TMCC2: variants seen among roughly 807,000 people sequenced by gnomAD.
TMCC2 encodes transmembrane and coiled-coil domains protein 2.
A neutral mutation model predicts 49.4 loss-of-function variants in TMCC2; 16 were observed. The ratio of observed to expected loss-of-function variants is 0.32; its 90% confidence interval spans 0.22 to 0.49. TMCC2 has a LOEUF of 0.49. Ranked by LOEUF, TMCC2 falls within the 20% of genes least tolerant of loss-of-function variation. The probability of loss-of-function intolerance (pLI) is 0.99; values close to 1 mark genes in which losing one functional copy is unlikely to be tolerated. For missense variants in TMCC2, 762 were observed against 989.8 expected (o/e 0.77, Z 3.09); for synonymous variants, 397 against 434.1 (o/e 0.91, Z 1.06).
chr1:205,268,627 A>G (rs1014068724), intron 2 of TMCC2, among the ~76,000 whole-genome samples: 1 of 152,030 alleles, frequency 6.6e-6, no homozygotes, highest in African/African-American at 2.4e-5. Context: ...TAGATAAACA[A>G]ACAAATAAAT....
At chr1:205,250,127 A>T (rs1660608294) in intron 2 of TMCC2, among the ~76,000 whole-genome samples, 2 of 152,228 alleles carry the variant, frequency 1.3e-5, no homozygotes, top group Admixed American at 6.5e-5. Flanking sequence ...CTGACACCAG[A>T]GATCATAAGC....
At chr1:205,250,678 G>GT (rs1173735256) in intron 2 of TMCC2, among the ~76,000 whole-genome samples, 9 of 152,222 alleles carry the variant, frequency 5.9e-5, no homozygotes. Context: ...GTCATGCCTT[G>GT]TTGACGCCTT....
At position 205,229,776 on chromosome 1, in the gene TMCC2, A is replaced by G. The variant is rs373588618; in HGVS notation, c.207+1005A>G. ...ACCAGAAGCCGAAAGAACTGTTCAC[A>G]TGGAGCTGTTTATTTTCCGGCCTGA... On this transcript the variant is annotated intron_variant, in intron 1 of 4. Transcript: ENST00000358024. 143 of 985,476 alleles carry G rather than the reference A, an allele frequency of 1.5e-4. 1 individual carries two copies. In the South Asian group the frequency reaches 4.8e-3, roughly 33 times the overall value. 61.0% of individuals were successfully genotyped at this position (985,476 alleles called of 1,614,324 possible).
Position 205,269,211 on chromosome 1 carries a change from G to C in TMCC2, c.1009G>C (p.Glu337Gln). Residue 337 changes from glutamate (E) to glutamine (Q), a missense_variant, in exon 3 of 5, where the codon GAG becomes CAG. Transcript: ENST00000358024. ...QQVSRIKQVFEKKNQKSAQTI... is the reference protein window; with the variant it reads ...QQVSRIKQVFQKKNQKSAQTI... ...GGTGTCACGCATCAAGCAAGTGTTCGAGAAGAAGAACCAGAAGTCAGCCCA... is the reference window on the plus strand; with the variant it reads ...GGTGTCACGCATCAAGCAAGTGTTCCAGAAGAAGAACCAGAAGTCAGCCCA... 6.2e-7 allele frequency: 1 copy of C among 1,614,078 alleles called. No individual in the cohort carries two copies. The highest frequency in any genetic ancestry group is 8.5e-7 in the Non-Finnish European group (1 of 1,180,042).
chr1:205,264,586 G>A lies in TMCC2; in HGVS notation c.748-4364G>A, dbSNP rs1221575268. Among the ~76,000 whole-genome samples the A allele has an allele frequency of 6.6e-6, 1 of 151,956 alleles. No homozygotes were observed. The highest frequency in any genetic ancestry group is 2.4e-5 in the African/African-American group (1 of 41,350). ...TGCAAGCTCCGCCTCCCAGGTTCGC[G>A]CCATTCTCCCGCCTCAGCCTCCCGA... On this transcript the variant is annotated intron_variant, in intron 2 of 4. Coordinates refer to ENST00000358024, the MANE Select transcript of TMCC2 (RefSeq NM_014858.4). This position sits in a 1 kb window ranked among gnomAD's most constrained non-coding sequence, Gnocchi z 4.2.
intron 3 of TMCC2, 86 bp from the exon 4 acceptor site, chr1:205,271,034 T>C (rs565423873): frequency 1.3e-6 from 2 of 1,555,150 alleles, no homozygotes; most frequent in South Asian, 2.4e-5. Context: ...GAGTCATTGT[T>C]TATTGAGAGA....
chr1:205,244,433 G>T (rs144260488), intron 2 of TMCC2, among the ~76,000 whole-genome samples: 1 of 152,234 alleles, frequency 6.6e-6, no homozygotes, highest in Non-Finnish European at 1.5e-5. Flanking sequence ...TTTTCTATGG[G>T]GGAAGAAACC....
At chr1:205,243,977 A>C (rs1237455232) in intron 2 of TMCC2, among the ~76,000 whole-genome samples, 1 of 152,270 alleles carries the variant, frequency 6.6e-6, no homozygotes, top group South Asian at 2.1e-4. Flanking sequence ...GCAGCAAAGC[A>C]AAAGGAAAAT....
At position 205,241,936 on chromosome 1, in the gene TMCC2, G is replaced by T. The variant is rs1243937966; in HGVS notation, c.639G>T (p.Gln213His). The change falls in exon 2 of 5, where the codon CAG becomes CAT. Residue 213 changes from glutamine (Q) to histidine (H), a missense_variant. By Grantham distance (24) the Gln-to-His change is conservative (BLOSUM62 0). Coordinates refer to ENST00000358024, the MANE Select transcript of TMCC2 (RefSeq NM_014858.4). This position sits in a 1 kb window ranked among gnomAD's most constrained non-coding sequence, Gnocchi z 7.3. ...GCAGCCTGGCCGCCATCCTGCACCAGCACCAGTGCCGTCCCCGCTCTTCCT... is the reference window on the plus strand; with the variant it reads ...GCAGCCTGGCCGCCATCCTGCACCATCACCAGTGCCGTCCCCGCTCTTCCT... ...QDSSLAAILH[Q>H]HQCRPRSSST... 6.2e-7 allele frequency: 1 copy of T among 1,611,408 alleles called. No homozygotes were observed. The highest frequency in any genetic ancestry group is 1.3e-5 in the African/African-American group (1 of 74,994).
In TMCC2 at chr1:205,269,390, C is replaced by T. The variant is rs558212864; in HGVS notation, c.1188C>T (p.Ser396=). The change falls in exon 3 of 5, where the codon AGC becomes AGT. Residue 396 remains serine, a synonymous_variant. Coordinates refer to ENST00000358024, the MANE Select transcript of TMCC2 (RefSeq NM_014858.4). ...DVGANVRAGI[S]GFGGGVVEGV... ...GCGCCAACGTGCGCGCAGGCATCAG[C>T]GGCTTTGGGGGCGGCGTGGTGGAGG... is the stretch of plus-strand genomic sequence containing the variant. 2.3e-5 allele frequency: 37 copies of T among 1,608,888 alleles called. 1 individual carries two copies. The African/African-American group carries it at 3.3e-4, about 15-fold the overall frequency.
chr1:205,233,305 A>G (rs915008541), intron 1 of TMCC2, among the ~76,000 whole-genome samples: 3 of 152,282 alleles, frequency 2.0e-5, no homozygotes, highest in African/African-American at 7.2e-5. Flanking sequence ...CCTGAAGAAA[A>G]AGGGGGAGCT....
At chr1:205,228,852 A>T (rs747298495) in intron 1 of TMCC2, 81 bp downstream of exon 1, 8 of 1,486,000 alleles carry the variant, frequency 5.4e-6, no homozygotes, top group Non-Finnish European at 7.2e-6. Flanking sequence ...TTAACAGGAT[A>T]AAAGTGAGGG....
chr1:205,269,103 G>A lies in TMCC2; in HGVS notation c.901G>A (p.Glu301Lys), dbSNP rs773084568. ...HLHQKILKIT[E>K]QIKIEQEARD... The stretch of plus-strand genomic sequence containing the variant: ...GCACCAGAAGATCCTGAAGATCACC[G>A]AGCAGATCAAGATTGAGCAGGAGGC... Residue 301 changes from glutamate (E) to lysine (K), a missense_variant, in exon 3 of 5, where the codon GAG (glutamate) becomes AAG (lysine). Physicochemically the swap from Glu to Lys is moderately conservative, Grantham distance 56. This residue lies in a region of TMCC2 where 440 missense variants were observed against 636.7 expected (regional missense o/e 0.69). Coordinates refer to ENST00000358024, the MANE Select transcript of TMCC2 (RefSeq NM_014858.4). 4 of 1,614,056 alleles carry A rather than the reference G, an allele frequency of 2.5e-6. No homozygotes were observed. Among genetic ancestry groups the A allele is most frequent in the Non-Finnish European group, 2.5e-6 (3 of 1,180,036 alleles).
At chr1:205,268,070 G>C in intron 2 of TMCC2, 1 of 985,442 alleles carries the variant, frequency 1.0e-6, no homozygotes, top group Non-Finnish European at 1.2e-6. Context: ...GTAATGGAGG[G>C]CCTGGGAGAG....
At chr1:205,246,577 T>A (rs1377879316) in intron 2 of TMCC2, 1 of 1,549,150 alleles carries the variant, frequency 6.5e-7, no homozygotes, top group Non-Finnish European at 8.7e-7. Context: ...GCTAAAAGGG[T>A]GGCGTGGCTT....
intron 2 of TMCC2, among the ~76,000 whole-genome samples, chr1:205,253,421 A>G (rs542451870): frequency 1.3e-5 from 2 of 152,268 alleles, no homozygotes; most frequent in South Asian, 4.1e-4. Flanking sequence ...TCAGATGACA[A>G]GAGCCTATCT....
At chr1:205,250,600 G>C (rs1660630346) in intron 2 of TMCC2, among the ~76,000 whole-genome samples, 1 of 152,208 alleles carries the variant, frequency 6.6e-6, no homozygotes, top group Admixed American at 6.5e-5. Flanking sequence ...GCATCTGGGA[G>C]TACAGAAATC....
rs1386647596 is a variant in TMCC2 at position 205,268,973 on chromosome 1, C to T, written c.771C>T (p.Ala257=). Residue 257 remains alanine, a synonymous_variant, in exon 3 of 5, where the codon GCC becomes GCT. Coordinates refer to ENST00000358024, the MANE Select transcript of TMCC2 (RefSeq NM_014858.4). ...GDKVDKGDLV[A]LSLPAGHGDT... ...AGGTCGATAAGGGAGACCTGGTGGC[C>T]CTGAGCCTCCCCGCCGGCCATGGTG... 1 of 1,612,710 alleles carries T rather than the reference C, an allele frequency of 6.2e-7. No individual in the cohort carries two copies. The highest frequency in any genetic ancestry group is 1.3e-5 in the African/African-American group (1 of 74,890).
chr1:205,247,970 G>C (rs1037288476), intron 2 of TMCC2, among the ~76,000 whole-genome samples: 4 of 152,190 alleles, frequency 2.6e-5, no homozygotes, highest in Admixed American at 2.6e-4. Context: ...GTGTGACGGG[G>C]GACAGATAGG....
Sources: allele counts gnomAD v4.1 joint callset (sites outside exome capture counted in the v4.1 genomes callset), GRCh38; gene constraint gnomAD v4.1.1; regional missense constraint gnomAD v4.1.1; non-coding constraint Gnocchi (gnomAD v3.1); transcripts MANE v1.5; gene names NCBI Gene and HGNC (gene_info 2026-07-23, HGNC 2026-07-21).